TAPT1: variants seen among roughly 807,000 people sequenced by gnomAD.
The protein encoded by TAPT1 is transmembrane anterior posterior transformation protein 1 homolog.
Under a neutral mutation model 65.6 loss-of-function variants are expected in TAPT1, and 28 were observed. The ratio of observed to expected loss-of-function variants is 0.43; its 90% CI spans 0.32 to 0.59. The LOEUF is 0.59. Among genes scored for constraint, TAPT1 ranks in the 20% least tolerant of loss-of-function variants. The pLI, the probability that TAPT1 is intolerant of heterozygous loss-of-function variation, is 0.09. For missense variants in TAPT1, 563 were observed against 679.9 expected, an observed-to-expected ratio of 0.83 and a Z score of 1.91; for synonymous variants, 278 against 245.2, an observed-to-expected ratio of 1.13 and a Z score of -1.25.
intron 8 of TAPT1, chr4:16,176,440 C>A (rs2149676549): frequency 3.0e-6 from 1 of 334,102 alleles, no homozygotes; most frequent in East Asian, 5.2e-5. Flanking sequence ...AGGCCCGGCG[C>A]AGTGGCTCAC....
chr4:16,193,806 C>T (rs1417535936), intron 3 of TAPT1, among the ~76,000 whole-genome samples: 1 of 152,154 alleles, frequency 6.6e-6, no homozygotes, highest in Non-Finnish European at 1.5e-5. Context: ...CACACATCAT[C>T]AACAGTCATG....
At chr4:16,191,066 C>A (rs1749345066) in intron 4 of TAPT1, 2 of 266,562 alleles carry the variant, frequency 7.5e-6, no homozygotes, top group Non-Finnish European at 1.4e-5. Flanking sequence ...CAGCAAGAAT[C>A]TTCCCAGCCT....
chr4:16,226,980 A>C (rs1435738392), upstream of TAPT1: 1 of 449,238 alleles, frequency 2.2e-6, no homozygotes, highest in African/African-American at 2.0e-5. Flanking sequence ...AGGTCTTGGC[A>C]CTGCTGGCGC....
chr4:16,222,264 C>T (rs1751295841), intron 1 of TAPT1, among the ~76,000 whole-genome samples: 2 of 152,192 alleles, frequency 1.3e-5, no homozygotes, highest in African/African-American at 2.4e-5. Flanking sequence ...AGACACTGAA[C>T]TGATCAAAAA....
At chr4:16,205,099 T>C (rs1164039937) in intron 2 of TAPT1, among the ~76,000 whole-genome samples, 1 of 151,520 alleles carries the variant, frequency 6.6e-6, no homozygotes, top group Non-Finnish European at 1.5e-5. Context: ...CGCCAGCCTC[T>C]TTCTGTGGGG....
chr4:16,204,547 A>G (rs1477657565), intron 2 of TAPT1, among the ~76,000 whole-genome samples: 2 of 152,288 alleles, frequency 1.3e-5, no homozygotes, highest in Non-Finnish European at 2.9e-5. Flanking sequence ...AAAGAGTTAT[A>G]AGTGAAAACA....
At chr4:16,210,021 T>C (rs1055302411) in intron 2 of TAPT1, among the ~76,000 whole-genome samples, 3 of 152,186 alleles carry the variant, frequency 2.0e-5, no homozygotes. Context: ...GTTTCTGTTA[T>C]AACTGTAGGC....
At chr4:16,196,680 A>G in intron 3 of TAPT1, 1 of 1,288,960 alleles carries the variant, frequency 7.8e-7, no homozygotes, top group Non-Finnish European at 1.0e-6. Context: ...CTGTGCCACC[A>G]CATTCCATTC....
In TAPT1 at chr4:16,186,837, T is replaced by G. The variant is rs1749048198; in HGVS notation, c.790A>C (p.Asn264His). ...TTGTTGTGTGAGTTAAAAGCTACAT[T>G]GAGAGTTGTTGCTTGAACCATTATA... ...ILIMVQATTLNVAFNSHNKSL... is the reference protein window; with the variant it reads ...ILIMVQATTLHVAFNSHNKSL... Residue 264 changes from asparagine (N) to histidine (H), a missense_variant, in exon 6 of 14, where the codon AAT (asparagine) becomes CAT (histidine). Asn to His is a moderately conservative substitution (Grantham distance 68, BLOSUM62 1). Transcript: ENST00000405303. 1 of 1,612,336 alleles carries G rather than the reference T, an allele frequency of 6.2e-7. No individual in the cohort carries two copies. Among genetic ancestry groups the G allele is most frequent in the Non-Finnish European group, 8.5e-7 (1 of 1,178,798 alleles).
chr4:16,196,867 C>G, intron 3 of TAPT1: 1 of 440,782 alleles, frequency 2.3e-6, no homozygotes, highest in Non-Finnish European at 4.5e-6. Context: ...AAATAAGCCA[C>G]ATAGATCAGC....
chr4:16,188,307 G>C lies in TAPT1; in HGVS notation c.661C>G (p.Leu221Val). The change falls in exon 5 of 14, where the codon CTC (leucine) becomes GTC (valine). Residue 221 changes from leucine to valine, a missense_variant. Transcript: ENST00000405303. ...SSFGQDILDALYWTATEPKER... is the reference protein window; with the variant it reads ...SSFGQDILDAVYWTATEPKER... ...TTAGGCTCTGTTGCTGTCCAATAGAGAGCATCTAATATGTCTTGTCCAAAA... is the reference window on the plus strand; with the variant it reads ...TTAGGCTCTGTTGCTGTCCAATAGACAGCATCTAATATGTCTTGTCCAAAA... 2.5e-6 allele frequency: 4 copies of C among 1,610,550 alleles called. No individual in the cohort carries two copies. The highest frequency in any genetic ancestry group is 3.4e-6 in the Non-Finnish European group (4 of 1,178,426).
chr4:16,176,670 T>TG (rs1748348177), intron 8 of TAPT1: 1 of 152,668 alleles, frequency 6.6e-6, no homozygotes, highest in Non-Finnish European at 1.5e-5. Flanking sequence ...CACTGCAGCC[T>TG]GGGCGAAAGA....
intron 4 of TAPT1, 151 bp downstream of exon 4, chr4:16,191,210 G>A (rs1006246274): frequency 1.4e-6 from 1 of 736,534 alleles, no homozygotes; most frequent in African/African-American, 1.8e-5. Context: ...CCATGTTTAA[G>A]AAGAGCCCCC....
At chr4:16,219,750 C>T (rs888371379) in intron 1 of TAPT1, among the ~76,000 whole-genome samples, 1 of 152,100 alleles carries the variant, frequency 6.6e-6, no homozygotes, top group African/African-American at 2.4e-5. Flanking sequence ...TTAAACAGAG[C>T]AATTAATGGT....
intron 12 of TAPT1, 31 bp downstream of exon 12, chr4:16,170,622 T>G (rs769010518): frequency 6.5e-7 from 1 of 1,539,026 alleles, no homozygotes; most frequent in Admixed American, 1.7e-5. Context: ...CTTTACTGTA[T>G]AGCCAAAAAC....
At chr4:16,210,471 C>T (rs1750590955) in intron 2 of TAPT1, among the ~76,000 whole-genome samples, 2 of 151,750 alleles carry the variant, frequency 1.3e-5, no homozygotes, top group African/African-American at 4.8e-5. Flanking sequence ...CCTTTAAATT[C>T]CTCTCACTCT....
intron 11 of TAPT1, among the ~76,000 whole-genome samples, chr4:16,172,309 T>C (rs1748046961): frequency 6.6e-6 from 1 of 152,008 alleles, no homozygotes; most frequent in African/African-American, 2.4e-5. Context: ...AATTATTATT[T>C]GGCAAAGCAG....
Position 16,163,447 on chromosome 4 carries a change from T to C in TAPT1, c.1565A>G (p.Asn522Ser), listed in dbSNP as rs16893137. 5,638 of 1,614,008 alleles carry C rather than the reference T, an allele frequency of 3.5e-3. 18 individuals carry two copies. The highest frequency in any genetic ancestry group is 5.7e-3 in the East Asian group (254 of 44,880). ...ENIIPLLVTSNSDQFLTTPDG... is the reference protein window; with the variant it reads ...ENIIPLLVTSSSDQFLTTPDG... ...TGGAGTTGTCAAAAACTGATCAGAA[T>C]TGCTTGTCACAAGTAATGGTATGAT... Residue 522 changes from asparagine (N) to serine (S), a missense_variant, in exon 14 of 14, where the codon AAT becomes AGT. Transcript: ENST00000405303.
In TAPT1 at chr4:16,213,520, G is replaced by A. The variant is rs555744656; in HGVS notation, c.330+248C>T. 7.2e-4 allele frequency among the ~76,000 whole-genome samples: 109 copies of A among 152,314 alleles called. 1 individual carries two copies. The highest frequency in any genetic ancestry group is 1.5e-5 in the Non-Finnish European group (1 of 68,030). ...AATTCCTTACAAAAGTTATTTTGAT[G>A]TAGCACACAATGATAATGATAGGCA... On this transcript the variant is annotated intron_variant, in intron 2 of 13. Transcript: ENST00000405303.
Sources: gnomAD v4.1 joint callset for allele counts (sites outside exome capture counted in the v4.1 genomes callset) on GRCh38, gnomAD v4.1.1 for gene constraint, MANE v1.5 for transcripts, NCBI Gene and HGNC (gene_info 2026-07-23, HGNC 2026-07-21) for gene names.